The following RAB6A variants were observed in gnomAD, a reference collection of about 807,000 sequenced individuals.
RAB6A encodes ras-related protein Rab-6A.
RAB6A carries 8 observed loss-of-function variants against 32.3 expected under a neutral mutation model. The observed-to-expected ratio is 0.25, with a 90% CI of 0.15 to 0.45. RAB6A has a LOEUF of 0.45. Ranked by LOEUF, RAB6A falls within the 20% of genes least tolerant of loss-of-function variation. The pLI is 1.00. For missense variants in RAB6A, 104 were observed against 249.4 expected (o/e 0.42, Z 3.93); for synonymous variants, 73 against 82.1 (o/e 0.89, Z 0.60).
chr11:73,731,109 C>CGTGT (rs757438982), intron 1 of RAB6A, among the ~76,000 whole-genome samples: 139,001 of 151,990 alleles, frequency 0.91, 63,733 homozygotes, highest in East Asian at 1. Flanking sequence ...CAAGTAAACA[C>CGTGT]TTACTTGGCC....
At chr11:73,697,285 C>T in intron 6 of RAB6A, among the ~76,000 whole-genome samples, 1 of 152,082 alleles carries the variant, frequency 6.6e-6, no homozygotes, top group Non-Finnish European at 1.5e-5. Context: ...ATTCCCTTCA[C>T]CAGTATTCTT....
intron 7 of RAB6A, among the ~76,000 whole-genome samples, chr11:73,678,630 G>A (rs568539017): frequency 7.2e-4 from 110 of 151,898 alleles, no homozygotes; most frequent in Non-Finnish European, 1.3e-3. Context: ...AAAAAACGGC[G>A]GTGGGCGCGG....
At chr11:73,757,510 T>C (rs1428343333) in intron 1 of RAB6A, among the ~76,000 whole-genome samples, 1 of 152,068 alleles carries the variant, frequency 6.6e-6, no homozygotes, top group Non-Finnish European at 1.5e-5. Context: ...TAAAACCTAA[T>C]TTCAAATCAG....
chr11:73,704,228 T>TA (rs1945796484), intron 6 of RAB6A: 1 of 417,022 alleles, frequency 2.4e-6, no homozygotes, highest in African/African-American at 2.1e-5. Flanking sequence ...GGAAAAAAAT[T>TA]AAAAATTAGC....
chr11:73,732,925 G>A (rs567032660), intron 1 of RAB6A, among the ~76,000 whole-genome samples: 21 of 151,934 alleles, frequency 1.4e-4, no homozygotes, highest in African/African-American at 5.1e-4. Flanking sequence ...CAATTCTCCT[G>A]TCTCAGCCTC....
intron 2 of RAB6A, among the ~76,000 whole-genome samples, chr11:73,722,120 T>C (rs2134954470): frequency 6.8e-6 from 1 of 147,880 alleles, no homozygotes; most frequent in African/African-American, 2.4e-5. Flanking sequence ...CTCTTTCCTT[T>C]ATAAATTACC....
intron 6 of RAB6A, among the ~76,000 whole-genome samples, chr11:73,702,145 A>C (rs978286380): frequency 3.3e-5 from 5 of 152,136 alleles, no homozygotes; most frequent in African/African-American, 1.2e-4. Context: ...CTGGACAAAA[A>C]ACTAGTAAGG....
chr11:73,744,555 A>T (rs1946554371), intron 1 of RAB6A, among the ~76,000 whole-genome samples: 1 of 146,900 alleles, frequency 6.8e-6, no homozygotes. Flanking sequence ...AAAGAATTTT[A>T]GATGGCAGCA....
At chr11:73,729,701 T>C (rs1211710768) in intron 2 of RAB6A, 3 of 152,228 alleles carry the variant, frequency 2.0e-5, no homozygotes, top group Non-Finnish European at 4.4e-5. Flanking sequence ...GGATTAGCTT[T>C]TTCATTAGAG....
chr11:73,757,564 G>T (rs927233188), intron 1 of RAB6A, among the ~76,000 whole-genome samples: 2 of 151,936 alleles, frequency 1.3e-5, no homozygotes, highest in Admixed American at 6.6e-5. Context: ...CTTTTCATGC[G>T]TTACATTAAT....
chr11:73,714,209 A>AAAATATATATAT (rs35864471), intron 5 of RAB6A, among the ~76,000 whole-genome samples: 7 of 57,576 alleles, frequency 1.2e-4, no homozygotes, highest in African/African-American at 3.1e-4. Context: ...AAAAAAAAAA[A>AAAATATATATAT]ATATATATAT....
intron 6 of RAB6A, among the ~76,000 whole-genome samples, chr11:73,683,468 G>A (rs1410517958): frequency 1.3e-5 from 2 of 151,400 alleles, no homozygotes; most frequent in African/African-American, 4.9e-5. Context: ...ATGTTACCCA[G>A]GGTGGTCTCC....
At chr11:73,726,121 G>A (rs1590867191) in intron 2 of RAB6A, among the ~76,000 whole-genome samples, 1 of 151,636 alleles carries the variant, frequency 6.6e-6, no homozygotes, top group Non-Finnish European at 1.5e-5. Flanking sequence ...CCCGTCTCTA[G>A]TAAAAATACA....
chr11:73,745,831 CA>C (rs908583054), intron 1 of RAB6A, among the ~76,000 whole-genome samples: 1 of 150,580 alleles, frequency 6.6e-6, no homozygotes. Flanking sequence ...AACTCCATCT[CA>C]AAAAAAATAA....
At chr11:73,756,349 G>A (rs184194211) in intron 1 of RAB6A, among the ~76,000 whole-genome samples, 9 of 152,050 alleles carry the variant, frequency 5.9e-5, no homozygotes, top group South Asian at 4.2e-4. Flanking sequence ...GGTAGACCCC[G>A]TCTCAAAAGA....
chr11:73,754,918 T>TATC (rs1555069678), intron 1 of RAB6A, among the ~76,000 whole-genome samples: 26 of 151,544 alleles, frequency 1.7e-4, no homozygotes, highest in Non-Finnish European at 3.1e-4. Context: ...GCAATGGGTT[T>TATC]ATTATTATTA....
intron 2 of RAB6A, 24 bp from the exon 3 acceptor site, chr11:73,720,923 A>G (rs1320674083): frequency 6.4e-7 from 1 of 1,554,502 alleles, no homozygotes; most frequent in African/African-American, 1.4e-5. Flanking sequence ...CAAAGAAGTT[A>G]ACAAATAATA....
chr11:73,731,684 T>TAATATATATATATATATATA (rs1318187273), intron 1 of RAB6A, among the ~76,000 whole-genome samples: 1 of 14,526 alleles, frequency 6.9e-5, no homozygotes, highest in Non-Finnish European at 1.4e-4. Context: ...TAGATAGATA[T>TAATATATATATATATATATA]TATATATATA....
intron 1 of RAB6A, among the ~76,000 whole-genome samples, chr11:73,740,955 G>A (rs1372235177): frequency 6.6e-6 from 1 of 151,594 alleles, no homozygotes; most frequent in Admixed American, 6.6e-5. Flanking sequence ...GAGAATGAAT[G>A]TGGTTGTATA....
Sources: gnomAD v4.1 joint callset for allele counts (sites outside exome capture counted in the v4.1 genomes callset) on GRCh38, gnomAD v4.1.1 for gene constraint, MANE v1.5 for transcripts, NCBI Gene and HGNC (gene_info 2026-07-23, HGNC 2026-07-21) for gene names.